The following LTBP2 variants were observed in gnomAD, a reference collection of about 807,000 sequenced individuals.
The protein encoded by LTBP2 is latent-transforming growth factor beta-binding protein 2.
A neutral mutation model predicts 210.6 loss-of-function variants in LTBP2; 103 were observed. That is an observed-to-expected ratio of 0.49 (90% CI 0.42 to 0.58). The LOEUF is 0.58. Among genes scored for constraint, LTBP2 ranks in the 20% least tolerant of loss-of-function variants. LTBP2 has a pLI of 0.00. For missense variants in LTBP2, 2,313 were observed against 2,494.5 expected, an observed-to-expected ratio of 0.93 and a Z score of 1.55; for synonymous variants, 1,007 against 1,015.0, an observed-to-expected ratio of 0.99 and a Z score of 0.15.
Position 74,502,823 on chromosome 14 carries a change from C to G in LTBP2, c.5000G>C (p.Ser1667Thr). The part of the protein sequence containing the change: ...YGPGPDDLHY[S>T]IYGPDGAPFY... ...GGGGGCCCCATCTGGGCCATAGATG[C>G]TGTAGTGCAGGTCATCGGGCCCGGG... The change falls in exon 34 of 36, where the codon AGC becomes ACC. Residue 1667 changes from serine (S) to threonine (T), a missense_variant. This residue lies in a region of LTBP2 where 443 missense variants were observed against 501.4 expected (regional missense o/e 0.88). Transcript: ENST00000261978. 1 of 1,614,152 alleles carries G rather than the reference C, an allele frequency of 6.2e-7. No homozygotes were observed. Among genetic ancestry groups the G allele is most frequent in the Non-Finnish European group, 8.5e-7 (1 of 1,180,006 alleles).
chr14:74,611,183 A>G (rs1300391335), intron 1 of LTBP2, among the ~76,000 whole-genome samples: 2 of 152,222 alleles, frequency 1.3e-5, no homozygotes, highest in Non-Finnish European at 2.9e-5. Flanking sequence ...GGGCGAGTGG[A>G]GAGGCGCCTT....
chr14:74,564,295 ATTTATATATATT>A (rs2087864715), intron 3 of LTBP2, among the ~76,000 whole-genome samples: 1 of 32,782 alleles, frequency 3.1e-5, no homozygotes, highest in Non-Finnish European at 4.9e-5. Context: ...TTATATATAT[ATTTATATATATT>A]TATATATATA....
intron 26 of LTBP2, 29 bp from the exon 27 acceptor site, chr14:74,506,852 G>GATGT: frequency 6.3e-7 from 1 of 1,590,506 alleles, no homozygotes; most frequent in Non-Finnish European, 8.5e-7. Context: ...CAGGATAGAG[G>GATGT]ATGTGTGTGT....
chr14:74,527,261 T>G, intron 13 of LTBP2, 86 bp downstream of exon 13: 2,118 of 1,485,342 alleles, frequency 1.4e-3, no homozygotes, highest in Non-Finnish European at 1.8e-3. Flanking sequence ...CCCTCCCTCA[T>G]GAGACACTGC....
intron 8 of LTBP2, among the ~76,000 whole-genome samples, chr14:74,540,622 G>A (rs2087480452): frequency 6.7e-6 from 1 of 149,188 alleles, no homozygotes. Context: ...AAAATTAGCG[G>A]GATGTGGTGG....
rs140002142 is a variant in LTBP2, at chr14:74,575,362, G to A, written c.830+10492C>T. On this transcript the variant is annotated intron_variant, in intron 3 of 35. Transcript: ENST00000261978. ...ACAGCCAAACCCAGCTGGAAAGGAC[G>A]GCCTTGAAGCAATACACTTTGTAAG... 3.9e-5 allele frequency among the ~76,000 whole-genome samples: 6 copies of A among 152,352 alleles called. No homozygotes were observed. The East Asian group carries it at 9.6e-4, about 24-fold the overall frequency.
chr14:74,548,062 A>G lies in LTBP2; in HGVS notation c.1789+1801T>C, dbSNP rs532231813. Among the ~76,000 whole-genome samples, 44 of 151,842 alleles carry G rather than the reference A, an allele frequency of 2.9e-4. No homozygotes were observed. In the South Asian group the frequency reaches 9.2e-3, roughly 32 times the overall value. On this transcript the variant is annotated intron_variant, in intron 8 of 35. Transcript: ENST00000261978. ...TACCCCTAATTATTCTTCAAATCTCATCCTGGAAGTCACCTCCTCTGAGAA... is the reference window on the plus strand; with the variant it reads ...TACCCCTAATTATTCTTCAAATCTCGTCCTGGAAGTCACCTCCTCTGAGAA...
rs2087719538 is a variant in LTBP2 at position 74,555,654 on chromosome 14, C to T, written c.870G>A (p.Gln290=). 1.9e-6 allele frequency: 3 copies of T among 1,577,376 alleles called. No individual in the cohort carries two copies. The highest frequency in any genetic ancestry group is 2.6e-6 in the Non-Finnish European group (3 of 1,157,366). The change falls in exon 4 of 36, where the codon CAG becomes CAA. Residue 290 remains glutamine (Q), a synonymous_variant. Coordinates refer to ENST00000261978, the MANE Select transcript of LTBP2 (RefSeq NM_000428.3). ...SGLSQTHPSQ[Q]HVGLSRTVRL... ...GGACAGTGCGGGACAACCCCACGTG[C>T]TGCTGGGAAGGGTGGGTCTGGCTGA...
At chr14:74,543,524 G>GCCTT (rs796244118) in intron 8 of LTBP2, among the ~76,000 whole-genome samples, 11,847 of 130,428 alleles carry the variant, frequency 0.091, 2,189 homozygotes, top group African/African-American at 0.32. Flanking sequence ...CTGCCTGCCT[G>GCCTT]CCTTCCCTCC....
At chr14:74,585,581 C>T (rs573095180) in intron 3 of LTBP2, among the ~76,000 whole-genome samples, 1 of 152,282 alleles carries the variant, frequency 6.6e-6, no homozygotes, top group South Asian at 2.1e-4. Context: ...AGGTACACGC[C>T]CTCCTCAGCT....
intron 3 of LTBP2, among the ~76,000 whole-genome samples, chr14:74,556,378 TTAACA>T (rs2087729054): frequency 6.6e-6 from 1 of 152,252 alleles, no homozygotes; most frequent in South Asian, 2.1e-4. Context: ...CGTTTTTCAC[TTAACA>T]TTAGATCACA....
At chr14:74,529,170 G>T in intron 10 of LTBP2, 48 bp from the exon 11 acceptor site, 1 of 1,548,738 alleles carries the variant, frequency 6.5e-7, no homozygotes, top group Non-Finnish European at 8.7e-7. Flanking sequence ...CAGTGGGAGG[G>T]GAATGCGCAG....
intron 8 of LTBP2, among the ~76,000 whole-genome samples, chr14:74,543,503 AGCCTGCCT>A (rs67321882): frequency 0.034 from 4,221 of 125,488 alleles, 143 homozygotes; most frequent in South Asian, 0.1. Context: ...AACCCTATAG[AGCCTGCCT>A]GCCTGCCTGC....
intron 2 of LTBP2, among the ~76,000 whole-genome samples, chr14:74,600,503 C>A (rs1000607621): frequency 1.3e-5 from 2 of 152,164 alleles, no homozygotes; most frequent in African/African-American, 2.4e-5. Flanking sequence ...CTCACTCAAC[C>A]TTGAGTTTCT....
At chr14:74,542,769 ATT>A (rs35412803) in intron 8 of LTBP2, among the ~76,000 whole-genome samples, 4 of 142,472 alleles carry the variant, frequency 2.8e-5, no homozygotes, top group African/African-American at 2.6e-5. Flanking sequence ...CTCAGCCTGA[ATT>A]TTTTTTTTTT....
intron 1 of LTBP2, 110 bp from the exon 2 acceptor site, chr14:74,603,815 G>C: frequency 1.1e-6 from 1 of 893,554 alleles, no homozygotes; most frequent in Non-Finnish European, 1.9e-6. Flanking sequence ...GGAACATGGA[G>C]AGGCTGGGAA....
chr14:74,575,366 T>G (rs547513445), intron 3 of LTBP2, among the ~76,000 whole-genome samples: 1 of 152,248 alleles, frequency 6.6e-6, no homozygotes, highest in Non-Finnish European at 1.5e-5. Flanking sequence ...AAGGACGGCC[T>G]TGAAGCAATA....
At chr14:74,527,503 CTCT>C in intron 12 of LTBP2, 137 bp from the exon 13 acceptor site, 1 of 903,502 alleles carries the variant, frequency 1.1e-6, no homozygotes, top group Non-Finnish European at 1.7e-6. Flanking sequence ...AAAGCGTGGA[CTCT>C]TCTTACCTGC....
At chr14:74,504,105 G>C in intron 30 of LTBP2, 51 bp from the exon 31 acceptor site, 2 of 1,604,026 alleles carry the variant, frequency 1.2e-6, no homozygotes, top group South Asian at 2.2e-5. Flanking sequence ...AGTATGAGGG[G>C]TACCTAGAGC....
Sources: allele counts gnomAD v4.1 joint callset (sites outside exome capture counted in the v4.1 genomes callset), GRCh38; gene constraint gnomAD v4.1.1; regional missense constraint gnomAD v4.1.1; transcripts MANE v1.5; gene names NCBI Gene and HGNC (gene_info 2026-07-23, HGNC 2026-07-21).